The following ROBO2 variants were observed in gnomAD, a reference collection of about 807,000 sequenced individuals.
ROBO2 encodes roundabout homolog 2.
In ROBO2, 53 loss-of-function variants were observed where a neutral mutation model predicts 160.8. The ratio of observed to expected loss-of-function variants is 0.33; its 90% CI spans 0.26 to 0.41. ROBO2 has a LOEUF of 0.41. Ranked by LOEUF, ROBO2 falls within the 10% of genes least tolerant of loss-of-function variation. ROBO2 has a pLI of 1.00. For missense variants in ROBO2, 1,577 were observed against 1,722.4 expected (o/e 0.92, Z 1.49); for synonymous variants, 664 against 611.7 (o/e 1.09, Z -1.26).
chr3:77,092,012 T>TAAAA, intron 1 of ROBO2: 1 of 143,260 alleles, frequency 7.0e-6, no homozygotes, highest in African/African-American at 2.9e-5. Context: ...AATAAATAAA[T>TAAAA]AAATAAATAA....
At chr3:77,489,496 C>T (rs954237361) in intron 4 of ROBO2, among the ~76,000 whole-genome samples, 2 of 152,078 alleles carry the variant, frequency 1.3e-5, no homozygotes, top group Admixed American at 6.5e-5. Flanking sequence ...AGTGCCTCCA[C>T]GTGTCTCCAT....
chr3:76,894,006 A>G (rs535640276), intron 2 of ROBO2, among the ~76,000 whole-genome samples: 1 of 152,254 alleles, frequency 6.6e-6, no homozygotes, highest in Non-Finnish European at 1.5e-5. Context: ...ATTTTGCCTA[A>G]CTGATATGGA....
intron 13 of ROBO2, among the ~76,000 whole-genome samples, chr3:77,571,053 G>A (rs768745124): frequency 5.3e-5 from 8 of 152,034 alleles, no homozygotes; most frequent in South Asian, 2.1e-4. Flanking sequence ...GTCACTTACC[G>A]AAAAATGATT....
chr3:76,826,971 C>G (rs2066642776), intron 2 of ROBO2, among the ~76,000 whole-genome samples: 1 of 152,276 alleles, frequency 6.6e-6, no homozygotes, highest in Non-Finnish European at 1.5e-5. Flanking sequence ...TGTTTAAATA[C>G]ACTCAGGCTG....
chr3:77,030,864 G>GA (rs1261064288), intron 2 of ROBO2, among the ~76,000 whole-genome samples: 3 of 152,140 alleles, frequency 2.0e-5, no homozygotes, highest in African/African-American at 7.2e-5. Flanking sequence ...TCCATTCAGA[G>GA]ATTCTACATG....
At chr3:76,566,096 T>C (rs1560159638) in intron 2 of ROBO2, among the ~76,000 whole-genome samples, 1 of 152,178 alleles carries the variant, frequency 6.6e-6, no homozygotes, top group Non-Finnish European at 1.5e-5. Context: ...CCTTATCTTA[T>C]ATGTGTAGAC....
At chr3:76,849,205 G>T (rs567819556) in intron 2 of ROBO2, among the ~76,000 whole-genome samples, 1 of 152,232 alleles carries the variant, frequency 6.6e-6, no homozygotes, top group African/African-American at 2.4e-5. Flanking sequence ...AAATAACTTG[G>T]AAATCTGTTG....
chr3:77,451,380 A>AT (rs1345962395), intron 2 of ROBO2, among the ~76,000 whole-genome samples: 14 of 152,062 alleles, frequency 9.2e-5, no homozygotes, highest in African/African-American at 2.9e-4. Context: ...AATTATTATG[A>AT]TTTTATAGTA....
chr3:77,192,453 C>T (rs911608071), intron 2 of ROBO2, among the ~76,000 whole-genome samples: 1 of 152,018 alleles, frequency 6.6e-6, no homozygotes, highest in African/African-American at 2.4e-5. Context: ...TGTAGCTATT[C>T]AAGTTTGGTC....
At chr3:77,092,406 T>C (rs936367332) in intron 1 of ROBO2, among the ~76,000 whole-genome samples, 1 of 151,896 alleles carries the variant, frequency 6.6e-6, no homozygotes, top group African/African-American at 2.4e-5. Context: ...CTGCTTCTCC[T>C]ATCTATTCAA....
chr3:76,952,672 A>C (rs1240908569), intron 2 of ROBO2, among the ~76,000 whole-genome samples: 1 of 151,982 alleles, frequency 6.6e-6, no homozygotes, highest in Non-Finnish European at 1.5e-5. Flanking sequence ...CTATATAGTT[A>C]GTATATCTGT....
chr3:76,924,780 G>C (rs1207537838), intron 2 of ROBO2, among the ~76,000 whole-genome samples: 1 of 152,198 alleles, frequency 6.6e-6, no homozygotes, highest in Non-Finnish European at 1.5e-5. Flanking sequence ...TGATTGGTAT[G>C]TCCCTTCTGA....
intron 2 of ROBO2, among the ~76,000 whole-genome samples, chr3:76,688,735 C>G (rs550019320): frequency 6.6e-6 from 1 of 151,844 alleles, no homozygotes; most frequent in African/African-American, 2.4e-5. Flanking sequence ...TGTTTCACTC[C>G]TTGTAATCAT....
At chr3:76,855,414 C>T (rs954576181) in intron 2 of ROBO2, among the ~76,000 whole-genome samples, 4 of 152,148 alleles carry the variant, frequency 2.6e-5, no homozygotes, top group African/African-American at 4.8e-5. Context: ...CATAAGCTAT[C>T]GGAGAGGGTG....
chr3:76,999,947 A>G (rs1448806667), intron 2 of ROBO2, among the ~76,000 whole-genome samples: 1 of 152,162 alleles, frequency 6.6e-6, no homozygotes, highest in Non-Finnish European at 1.5e-5. Context: ...TGCAACTAGC[A>G]CAATACATGA....
chr3:76,476,553 A>G (rs1386951132), intron 2 of ROBO2, among the ~76,000 whole-genome samples: 1 of 152,116 alleles, frequency 6.6e-6, no homozygotes, highest in Non-Finnish European at 1.5e-5. Flanking sequence ...TGCTTATTTG[A>G]AGAAATATCT....
At chr3:77,128,407 T>C (rs1464360207) in intron 2 of ROBO2, among the ~76,000 whole-genome samples, 3 of 152,194 alleles carry the variant, frequency 2.0e-5, no homozygotes, top group African/African-American at 4.8e-5. Flanking sequence ...GTACTATCCC[T>C]GGTTTCAGAT....
At chr3:77,386,997 G>A (rs913525951) in intron 2 of ROBO2, among the ~76,000 whole-genome samples, 18 of 152,026 alleles carry the variant, frequency 1.2e-4, no homozygotes, top group Non-Finnish European at 1.9e-4. Flanking sequence ...GAAAATGAGA[G>A]AAAAAGAATG....
chr3:77,262,879 G>C (rs548165426), intron 2 of ROBO2, among the ~76,000 whole-genome samples: 4 of 152,250 alleles, frequency 2.6e-5, no homozygotes, highest in African/African-American at 9.6e-5. Flanking sequence ...TGAGTATGAT[G>C]AATGTGATGA....
Sources: allele counts gnomAD v4.1 joint callset (sites outside exome capture counted in the v4.1 genomes callset), GRCh38; gene constraint gnomAD v4.1.1; transcripts MANE v1.5; gene names NCBI Gene and HGNC (gene_info 2026-07-23, HGNC 2026-07-21).